The following SMIM18 variants were observed in gnomAD, a reference collection of about 807,000 sequenced individuals.
SMIM18 encodes small integral membrane protein 18.
In SMIM18, 4 loss-of-function variants were observed where a neutral mutation model predicts 5.9. The ratio of observed to expected loss-of-function variants is 0.68; its 90% confidence interval spans 0.33 to 1.56. The LOEUF (loss-of-function observed/expected upper bound fraction) is 1.56, where lower values mean the gene tolerates loss of function less well. Ranked by LOEUF, SMIM18 falls within the 40% of genes most tolerant of loss-of-function variation. SMIM18 has a pLI of 0.06. For synonymous variants in SMIM18, 37 were observed against 37.4 expected (o/e 0.99, Z 0.04); for missense variants, 89 against 109.7 (o/e 0.81, Z 0.84).
chr8:30,639,714 G>C (rs1317985985), intron 1 of SMIM18, among the ~76,000 whole-genome samples: 2 of 151,990 alleles, frequency 1.3e-5, no homozygotes. Flanking sequence ...TAAAGAGCCA[G>C]CTTCTGTCCT....
intron 1 of SMIM18, among the ~76,000 whole-genome samples, chr8:30,642,933 T>C (rs1437754139): frequency 6.6e-6 from 1 of 152,196 alleles, no homozygotes; most frequent in Admixed American, 6.5e-5. Flanking sequence ...AGTTCACTTA[T>C]ACCTCAAAAG....
rs984995372 is a variant in SMIM18, at chr8:30,645,484, C to T, written c.175C>T (p.Leu59Phe). ...GGTGCTGGCTTTCCTTTATGAAGTGCTTGACTGCTGCTGCTGTGTAAAAAA... is the reference window on the plus strand; with the variant it reads ...GGTGCTGGCTTTCCTTTATGAAGTGTTTGACTGCTGCTGCTGTGTAAAAAA... ...LVVLAFLYEV[L>F]DCCCCVKNKT... Residue 59 changes from leucine to phenylalanine, a missense_variant, in exon 3 of 3, where the codon CTT becomes TTT. Coordinates refer to ENST00000517349, the MANE Select transcript of SMIM18 (RefSeq NM_001206847.2). The T allele has an allele frequency of 9.1e-6, 14 of 1,535,512 alleles. No individual in the cohort carries two copies. The highest frequency in any genetic ancestry group is 1.2e-5 in the Non-Finnish European group (14 of 1,146,900).
chr8:30,643,173 T>C (rs939983153), intron 1 of SMIM18, among the ~76,000 whole-genome samples: 3 of 152,230 alleles, frequency 2.0e-5, no homozygotes, highest in Admixed American at 6.5e-5. Flanking sequence ...TATATTGTTA[T>C]GGCTTTGAGT....
intron 1 of SMIM18, among the ~76,000 whole-genome samples, chr8:30,639,267 T>C (rs1298367784): frequency 6.6e-6 from 1 of 152,218 alleles, no homozygotes; most frequent in African/African-American, 2.4e-5. Flanking sequence ...ACTGAACAGA[T>C]AATTTATACA....
chr8:30,639,777 T>C (rs79627643), intron 1 of SMIM18, among the ~76,000 whole-genome samples: 2 of 152,046 alleles, frequency 1.3e-5, no homozygotes, highest in African/African-American at 2.4e-5. Flanking sequence ...GTTTTTTTTT[T>C]CTTCATAATT....
At chr8:30,641,776 C>G (rs767587306) in intron 1 of SMIM18, among the ~76,000 whole-genome samples, 1 of 152,050 alleles carries the variant, frequency 6.6e-6, no homozygotes, top group Non-Finnish European at 1.5e-5. Context: ...ATTCGGGAGG[C>G]TGAGGCAGGA....
chr8:30,638,807 A>C (rs528234734), intron 1 of SMIM18, among the ~76,000 whole-genome samples, 168 bp downstream of exon 1: 15 of 152,326 alleles, frequency 9.8e-5, no homozygotes, highest in African/African-American at 3.1e-4. Flanking sequence ...AAATATGAAG[A>C]CTGCCTTGTG....
chr8:30,642,891 T>G lies in SMIM18; in HGVS notation c.-110-1601T>G, dbSNP rs370326357. ...CCTGACTGCCTCTTTCTATTTATTT[T>G]TGAGGTAAGGGGACCTGAAAATATT... On this transcript the variant is annotated intron_variant, in intron 1 of 2. Coordinates refer to ENST00000517349, the MANE Select transcript of SMIM18 (RefSeq NM_001206847.2). 2.1e-3 allele frequency among the ~76,000 whole-genome samples: 314 copies of G among 152,344 alleles called. 2 individuals carry two copies. The highest frequency in any genetic ancestry group is 7.3e-3 in the African/African-American group (303 of 41,584).
rs1450111445 is a variant in SMIM18 at position 30,645,267 on chromosome 8, T to C, written c.-29-14T>C. 4.8e-5 allele frequency: 72 copies of C among 1,496,642 alleles called. No homozygotes were observed. The highest frequency in any genetic ancestry group is 6.4e-5 in the Non-Finnish European group (72 of 1,131,138). The allele number at this position is 1,496,642 out of a possible 1,614,324, so 92.7% of individuals were successfully genotyped here. ...TAGTTTGCTACATAAATTCATTTTC[T>C]ACCTTTTTTATAGATTCAAAAGAGC... On this transcript the variant is annotated splice_polypyrimidine_tract_variant and intron_variant, in intron 2 of 2. Transcript: ENST00000517349.
chr8:30,639,698 C>T (rs1018114846), intron 1 of SMIM18, among the ~76,000 whole-genome samples: 12 of 151,932 alleles, frequency 7.9e-5, no homozygotes, highest in African/African-American at 2.7e-4. Context: ...TATACTATAT[C>T]GGACCTAAAG....
intron 2 of SMIM18, among the ~76,000 whole-genome samples, chr8:30,644,913 G>A (rs1802010624): frequency 6.6e-6 from 1 of 152,014 alleles, no homozygotes; most frequent in Non-Finnish European, 1.5e-5. Context: ...ACCATGCCTG[G>A]CTAATTTTTG....
chr8:30,641,387 G>A (rs958715778), intron 1 of SMIM18, among the ~76,000 whole-genome samples: 11 of 152,118 alleles, frequency 7.2e-5, no homozygotes, highest in Admixed American at 5.9e-4. Flanking sequence ...TTTTGAGACA[G>A]GGTCTCACTC....
At chr8:30,640,678 A>C (rs1801784659) in intron 1 of SMIM18, among the ~76,000 whole-genome samples, 1 of 152,196 alleles carries the variant, frequency 6.6e-6, no homozygotes, top group South Asian at 2.1e-4. Context: ...ACTAAGTCGC[A>C]GGATAGGAGA....
At chr8:30,644,250 T>C (rs936188053) in intron 1 of SMIM18, among the ~76,000 whole-genome samples, 2 of 152,182 alleles carry the variant, frequency 1.3e-5, no homozygotes, top group Admixed American at 1.3e-4. Flanking sequence ...ATACTGAAAC[T>C]TGAACTCACC....
At chr8:30,640,969 T>C (rs1386876494) in intron 1 of SMIM18, among the ~76,000 whole-genome samples, 5 of 152,130 alleles carry the variant, frequency 3.3e-5, no homozygotes, top group African/African-American at 1.2e-4. Flanking sequence ...CCTCCCAGAG[T>C]GCTAGGATTA....
At chr8:30,639,118 T>C (rs1801716629) in intron 1 of SMIM18, among the ~76,000 whole-genome samples, 1 of 152,234 alleles carries the variant, frequency 6.6e-6, no homozygotes, top group Admixed American at 6.5e-5. Context: ...TTATATTTTT[T>C]AGAATATGAG....
chr8:30,643,382 G>C (rs1464337545), intron 1 of SMIM18: 1 of 152,304 alleles, frequency 6.6e-6, no homozygotes, highest in Non-Finnish European at 1.5e-5. Flanking sequence ...TGGGAGGCCA[G>C]GCGCAGTGGC....
At chr8:30,644,421 C>T (rs1255538946) in intron 1 of SMIM18, 71 bp from the exon 2 acceptor site, 1 of 152,108 alleles carries the variant, frequency 6.6e-6, no homozygotes, top group Non-Finnish European at 1.5e-5. Context: ...TCACTCTAAC[C>T]TAAAATTTTA....
Position 30,645,904 on chromosome 8 carries a change from G to C in SMIM18, c.*307G>C, listed in dbSNP as rs1240798112. ...AAGATAAGCTGGAAAAGACAAGCAA[G>C]GCTAATGATGCTAAAATGATTTTAT... On this transcript the variant is annotated 3_prime_UTR_variant, in exon 3 of 3. Coordinates refer to ENST00000517349, the MANE Select transcript of SMIM18 (RefSeq NM_001206847.2). The C allele has an allele frequency of 2.5e-5, 6 of 240,530 alleles. No individual in the cohort carries two copies. The highest frequency in any genetic ancestry group is 4.8e-5 in the Non-Finnish European group (6 of 124,786). 14.9% of individuals were successfully genotyped at this position (240,530 alleles called of 1,614,324 possible).
Sources: allele counts gnomAD v4.1 joint callset (sites outside exome capture counted in the v4.1 genomes callset), GRCh38; gene constraint gnomAD v4.1.1; transcripts MANE v1.5; gene names NCBI Gene and HGNC (gene_info 2026-07-23, HGNC 2026-07-21).